The following ESRRG variants were observed in gnomAD, a reference collection of about 807,000 sequenced individuals.
The protein encoded by ESRRG is estrogen-related receptor gamma.
A neutral mutation model predicts 44.0 loss-of-function variants in ESRRG; 13 were observed. The ratio of observed to expected loss-of-function variants is 0.30; its 90% confidence interval spans 0.19 to 0.47. ESRRG has a LOEUF of 0.47. Ranked by LOEUF, ESRRG falls within the 20% of genes least tolerant of loss-of-function variation. ESRRG has a pLI of 1.00. For missense variants in ESRRG, 395 were observed against 580.6 expected (o/e 0.68, Z 3.29); for synonymous variants, 215 against 214.6 (o/e 1.00, Z -0.02).
intron 3 of ESRRG, among the ~76,000 whole-genome samples, chr1:216,618,015 A>G (rs935763896): frequency 6.6e-6 from 1 of 152,226 alleles, no homozygotes; most frequent in African/African-American, 2.4e-5. Context: ...TTGAGATTCT[A>G]GAGTAACATA....
intron 2 of ESRRG, among the ~76,000 whole-genome samples, chr1:216,926,628 C>T (rs1202983001): frequency 6.6e-6 from 1 of 152,150 alleles, no homozygotes; most frequent in African/African-American, 2.4e-5. Flanking sequence ...CAACTAGCTA[C>T]TTTTTTTGTG....
chr1:216,869,127 C>T (rs1481234398), intron 2 of ESRRG, among the ~76,000 whole-genome samples: 1 of 152,062 alleles, frequency 6.6e-6, no homozygotes, highest in East Asian at 1.9e-4. Context: ...TGTTTAAGAA[C>T]TTTTTGCCTA....
intron 1 of ESRRG, among the ~76,000 whole-genome samples, chr1:217,095,022 G>A (rs1252152075): frequency 6.8e-6 from 1 of 146,146 alleles, no homozygotes; most frequent in East Asian, 2.0e-4. Flanking sequence ...GGCAAAGTGT[G>A]TGTCTGTGAG....
intron 2 of ESRRG, among the ~76,000 whole-genome samples, chr1:216,927,393 A>T (rs553690475): frequency 6.6e-6 from 1 of 152,294 alleles, no homozygotes; most frequent in African/African-American, 2.4e-5. Context: ...GGTTAAGTAG[A>T]AACAAAGGGA....
intron 1 of ESRRG, among the ~76,000 whole-genome samples, chr1:216,704,606 G>A (rs1301313109): frequency 1.3e-5 from 2 of 151,914 alleles, no homozygotes; most frequent in Non-Finnish European, 2.9e-5. Flanking sequence ...TACATATGGA[G>A]CCAGAGGAAA....
intron 2 of ESRRG, among the ~76,000 whole-genome samples, chr1:216,795,913 G>A (rs1370291651): frequency 6.6e-6 from 1 of 152,084 alleles, no homozygotes; most frequent in East Asian, 1.9e-4. Context: ...TACAGGAAGT[G>A]AACCATAAAC....
chr1:217,011,517 T>G (rs1034480730), intron 1 of ESRRG, among the ~76,000 whole-genome samples: 1 of 152,192 alleles, frequency 6.6e-6, no homozygotes, highest in Non-Finnish European at 1.5e-5. Context: ...ACACATTAGC[T>G]AATTAGTTGG....
intron 2 of ESRRG, among the ~76,000 whole-genome samples, chr1:216,811,471 A>T (rs1015483694): frequency 2.0e-5 from 3 of 152,186 alleles, no homozygotes; most frequent in Non-Finnish European, 4.4e-5. Context: ...CCTATTGGTC[A>T]TTTATGTAAG....
rs80326866 is a variant in ESRRG at position 216,859,926 on chromosome 1, A to G, written c.-14+79656T>C. The stretch of plus-strand genomic sequence containing the variant: ...ATCATCCAAAAGTGAGAAGGAAAAA[A>G]CCAATCAATTGAAACAGACCCCAAA... On this transcript the variant is annotated intron_variant, in intron 2 of 7. Coordinates refer to the ESRRG transcript ENST00000359162. Among the ~76,000 whole-genome samples, 1,235 of 152,280 alleles carry G rather than the reference A, an allele frequency of 8.1e-3. 25 individuals carry two copies. Among genetic ancestry groups the G allele is most frequent in the African/African-American group, 0.028 (1,170 of 41,564 alleles).
chr1:216,696,382 G>T lies in ESRRG; in HGVS notation c.57-18891C>A, dbSNP rs560923667. 6.2e-4 allele frequency among the ~76,000 whole-genome samples: 94 copies of T among 152,174 alleles called. No individual in the cohort carries two copies. In the South Asian group the frequency reaches 8.7e-3, roughly 14 times the overall value. On this transcript the variant is annotated intron_variant, in intron 1 of 6. Coordinates refer to ENST00000408911, the MANE Select transcript of ESRRG (RefSeq NM_001438.4). ...ATGTTTAACACTTTAATCTTCTAAA[G>T]ATTTTTTTATTCTTTAATTTTCTTA...
chr1:216,970,032 C>G (rs1384829991), intron 1 of ESRRG, among the ~76,000 whole-genome samples: 5 of 152,212 alleles, frequency 3.3e-5, no homozygotes, highest in Admixed American at 3.3e-4. Flanking sequence ...TCATCACCTT[C>G]TTTATTTCAA....
chr1:216,900,656 A>G (rs564069287), intron 2 of ESRRG, among the ~76,000 whole-genome samples: 5 of 152,328 alleles, frequency 3.3e-5, no homozygotes, highest in African/African-American at 1.2e-4. Flanking sequence ...CTTGGTCCCA[A>G]ATCATAAGGA....
At chr1:216,588,353 T>C (rs563146376) in intron 3 of ESRRG, among the ~76,000 whole-genome samples, 1 of 152,300 alleles carries the variant, frequency 6.6e-6, no homozygotes, top group East Asian at 1.9e-4. Flanking sequence ...GGTTAGGAGC[T>C]ACTACAACAA....
intron 2 of ESRRG, among the ~76,000 whole-genome samples, chr1:216,905,201 G>T (rs998586982): frequency 6.6e-6 from 1 of 152,088 alleles, no homozygotes; most frequent in Non-Finnish European, 1.5e-5. Context: ...CATTGCACAC[G>T]CCTTACTGGG....
chr1:217,021,781 T>C (rs879764456), intron 1 of ESRRG, among the ~76,000 whole-genome samples: 13 of 152,200 alleles, frequency 8.5e-5, no homozygotes, highest in Non-Finnish European at 1.5e-4. Context: ...CTTGCTGATA[T>C]TACACTACAC....
intron 3 of ESRRG, among the ~76,000 whole-genome samples, chr1:216,585,418 G>T (rs2063576638): frequency 1.3e-5 from 2 of 152,026 alleles, no homozygotes; most frequent in Non-Finnish European, 2.9e-5. Flanking sequence ...AGAACAAGGA[G>T]AACAGATTTG....
chr1:217,054,537 T>A (rs945228875), intron 1 of ESRRG, among the ~76,000 whole-genome samples: 3 of 152,214 alleles, frequency 2.0e-5, no homozygotes, highest in Admixed American at 2.0e-4. Context: ...AAGCAAAGAC[T>A]ACTTAACAGC....
intron 2 of ESRRG, among the ~76,000 whole-genome samples, chr1:216,930,746 C>T (rs543653758): frequency 1.6e-4 from 24 of 152,246 alleles, no homozygotes; most frequent in African/African-American, 5.8e-4. Flanking sequence ...CTCAAGGAGT[C>T]AGGAAAGGCT....
At chr1:216,592,831 G>A (rs1261453071) in intron 3 of ESRRG, among the ~76,000 whole-genome samples, 2 of 152,160 alleles carry the variant, frequency 1.3e-5, no homozygotes, top group African/African-American at 2.4e-5. Context: ...ATCTGGCAGA[G>A]GTGATAATTT....
Sources: allele counts gnomAD v4.1 joint callset (sites outside exome capture counted in the v4.1 genomes callset), GRCh38; gene constraint gnomAD v4.1.1; transcripts MANE v1.5; gene names NCBI Gene and HGNC (gene_info 2026-07-23, HGNC 2026-07-21).